The following PDE7A variants were observed in gnomAD, a reference collection of about 807,000 sequenced individuals.
PDE7A encodes the protein phosphodiesterase 7A, also known as high affinity 3',5'-cyclic-AMP phosphodiesterase 7A.
A neutral mutation model predicts 64.3 loss-of-function variants in PDE7A; 39 were observed. The observed-to-expected ratio is 0.61, with a 90% confidence interval of 0.47 to 0.79. PDE7A has a LOEUF of 0.79. Among genes scored for constraint, PDE7A ranks in the 30% least tolerant of loss-of-function variants. PDE7A has a pLI of 0.00. For missense variants in PDE7A, 470 were observed against 582.8 expected, an observed-to-expected ratio of 0.81 and a Z score of 1.99; for synonymous variants, 203 against 206.8, an observed-to-expected ratio of 0.98 and a Z score of 0.16.
intron 1 of PDE7A, among the ~76,000 whole-genome samples, chr8:65,817,796 A>G (rs1226962574): frequency 7.0e-6 from 1 of 143,222 alleles, no homozygotes; most frequent in African/African-American, 2.6e-5. Flanking sequence ...TCTGTCGCCC[A>G]GGCTGGAGTG....
chr8:65,740,397 A>G (rs1486803034), intron 5 of PDE7A, among the ~76,000 whole-genome samples: 2 of 151,776 alleles, frequency 1.3e-5, no homozygotes, highest in Non-Finnish European at 2.9e-5. Flanking sequence ...CAAGCCCTCA[A>G]GTTTCCTTTT....
chr8:65,778,534 T>C (rs923427933), intron 3 of PDE7A, among the ~76,000 whole-genome samples: 5 of 152,188 alleles, frequency 3.3e-5, no homozygotes, highest in African/African-American at 1.2e-4. Context: ...ACTTGATATA[T>C]ACCCTGACTG....
intron 4 of PDE7A, among the ~76,000 whole-genome samples, chr8:65,746,656 T>C (rs1807690745): frequency 6.6e-6 from 1 of 152,194 alleles, no homozygotes; most frequent in Admixed American, 6.5e-5. Context: ...ATGAATACAC[T>C]GACATGAGCA....
At chr8:65,743,954 T>C (rs1807554922) in intron 5 of PDE7A, among the ~76,000 whole-genome samples, 1 of 152,018 alleles carries the variant, frequency 6.6e-6, no homozygotes, top group Non-Finnish European at 1.5e-5. Context: ...TGCCTCAGCC[T>C]CCCATGTAGC....
chr8:65,786,475 T>TTGGAAAAAACACTATAAATTA (rs1809561935), intron 1 of PDE7A, among the ~76,000 whole-genome samples: 3 of 152,184 alleles, frequency 2.0e-5, no homozygotes, highest in African/African-American at 7.2e-5. Flanking sequence ...GTAACTCATT[T>TTGGAAAAAACACTATAAATTA]TGGAAAAAAC....
At chr8:65,809,377 T>C (rs566042837) in intron 1 of PDE7A, among the ~76,000 whole-genome samples, 1 of 151,850 alleles carries the variant, frequency 6.6e-6, no homozygotes, top group South Asian at 2.1e-4. Context: ...TTGAAGATCT[T>C]TGTATCAAAA....
chr8:65,725,164 G>A (rs1241172717), intron 9 of PDE7A, among the ~76,000 whole-genome samples: 1 of 151,804 alleles, frequency 6.6e-6, no homozygotes, highest in Non-Finnish European at 1.5e-5. Flanking sequence ...ATTCCAAAAG[G>A]AGAGCCTTTA....
chr8:65,767,798 C>T (rs1808867721), intron 3 of PDE7A, among the ~76,000 whole-genome samples: 2 of 152,182 alleles, frequency 1.3e-5, no homozygotes, highest in Admixed American at 1.3e-4. Context: ...TCATCTGGAT[C>T]CTTTGCAATA....
intron 2 of PDE7A, among the ~76,000 whole-genome samples, chr8:65,782,054 A>C (rs551075549): frequency 6.6e-6 from 1 of 152,328 alleles, no homozygotes; most frequent in Non-Finnish European, 1.5e-5. Context: ...CAAAGAAGAA[A>C]ACAAAAGTAG....
rs1265247635 is a variant in PDE7A at position 65,841,558 on chromosome 8, C to G, written c.-50G>C. Reference sequence around the variant, plus strand: ...GCGGCGCCCGCCCTGCCGCGGCCGCCGGCCCCTGCAGTGGGAGGGGGCCGC... The same window carrying G: ...GCGGCGCCCGCCCTGCCGCGGCCGCGGGCCCCTGCAGTGGGAGGGGGCCGC... On this transcript the variant is annotated 5_prime_UTR_variant, in exon 1 of 13. Transcript: ENST00000401827. The G allele has an allele frequency of 1.5e-6, 2 of 1,300,440 alleles. No individual in the cohort carries two copies. Among genetic ancestry groups the G allele is most frequent in the Admixed American group, 4.0e-5 (1 of 24,790 alleles). The allele number at this position is 1,300,440 out of a possible 1,614,324, so 80.6% of individuals were successfully genotyped here.
intron 1 of PDE7A, among the ~76,000 whole-genome samples, chr8:65,785,163 T>C (rs1251803001): frequency 6.6e-6 from 1 of 152,084 alleles, no homozygotes; most frequent in Non-Finnish European, 1.5e-5. Flanking sequence ...AAAACACAGT[T>C]CATGAAATAT....
intron 12 of PDE7A, among the ~76,000 whole-genome samples, chr8:65,720,124 A>G (rs1292270253): frequency 2.0e-5 from 3 of 152,350 alleles, no homozygotes; most frequent in East Asian, 1.9e-4. Flanking sequence ...TTTATAAACA[A>G]TTCATATAAT....
In PDE7A at chr8:65,714,352, G is replaced by T. The variant is rs139183461; in HGVS notation, c.*4938C>A. ...TTCCAAATTAATTTGTTCAACAAACGTTTATTAATGGCCCAATGTACACCA... is the reference window on the plus strand; with the variant it reads ...TTCCAAATTAATTTGTTCAACAAACTTTTATTAATGGCCCAATGTACACCA... On this transcript the variant is annotated 3_prime_UTR_variant, in exon 13 of 13. Transcript: ENST00000401827. 6.6e-6 allele frequency: 1 copy of T among 151,818 alleles called. No individual in the cohort carries two copies. Among genetic ancestry groups the T allele is most frequent in the Non-Finnish European group, 1.5e-5 (1 of 67,992 alleles). 9.4% of individuals were successfully genotyped at this position (151,818 alleles called of 1,614,324 possible). A position where few individuals can be genotyped will look rare whatever the true frequency, so the allele number is the denominator to read the frequency against.
intron 9 of PDE7A, among the ~76,000 whole-genome samples, chr8:65,726,387 T>C (rs1168428661): frequency 6.6e-6 from 1 of 152,212 alleles, no homozygotes; most frequent in Non-Finnish European, 1.5e-5. Context: ...CCTATAGCTC[T>C]AGAAGTGTGA....
intron 3 of PDE7A, among the ~76,000 whole-genome samples, chr8:65,755,228 C>G (rs1808168941): frequency 6.6e-6 from 1 of 151,880 alleles, no homozygotes; most frequent in African/African-American, 2.4e-5. Context: ...CTCAAGTTGG[C>G]CCAGCTGGTC....
intron 1 of PDE7A, among the ~76,000 whole-genome samples, chr8:65,823,961 CA>C (rs1810605697): frequency 6.6e-6 from 1 of 151,864 alleles, no homozygotes; most frequent in African/African-American, 2.4e-5. Context: ...CAAAATAATT[CA>C]AAAATTGATA....
At chr8:65,814,646 T>C (rs1409804383) in intron 1 of PDE7A, among the ~76,000 whole-genome samples, 4 of 152,130 alleles carry the variant, frequency 2.6e-5, no homozygotes, top group Non-Finnish European at 4.4e-5. Context: ...ACTATAAACA[T>C]TGCTTAACTC....
intron 1 of PDE7A, among the ~76,000 whole-genome samples, chr8:65,810,474 T>C (rs1020548478): frequency 1.3e-5 from 2 of 152,182 alleles, no homozygotes; most frequent in African/African-American, 4.8e-5. Context: ...TGTGCACATA[T>C]ACCCTAGAAC....
intron 11 of PDE7A, 111 bp downstream of exon 11, chr8:65,724,144 A>C: frequency 1.6e-6 from 1 of 629,810 alleles, no homozygotes. Context: ...GTTACTAAAA[A>C]TGTCAAGACT....
Sources: gnomAD v4.1 joint callset for allele counts (sites outside exome capture counted in the v4.1 genomes callset) on GRCh38, gnomAD v4.1.1 for gene constraint, MANE v1.5 for transcripts, NCBI Gene and HGNC (gene_info 2026-07-23, HGNC 2026-07-21) for gene names.